MCPH1: variants seen among roughly 807,000 people sequenced by gnomAD.
MCPH1 encodes the protein microcephalin.
Under a neutral mutation model 84.5 loss-of-function variants are expected in MCPH1, and 104 were observed. That is an observed-to-expected ratio of 1.23 (90% CI 1.05 to 1.45). MCPH1 has a LOEUF of 1.45. MCPH1 is among the 40% of genes most tolerant of loss of function. MCPH1 has a pLI of 0.00. For missense variants in MCPH1, 1,498 were observed against 1,005.7 expected, an observed-to-expected ratio of 1.49 and a Z score of -6.62; for synonymous variants, 514 against 366.8, an observed-to-expected ratio of 1.40 and a Z score of -4.58.
At chr8:6,428,334 A>G (rs1801359604) in intron 3 of MCPH1, among the ~76,000 whole-genome samples, 1 of 152,206 alleles carries the variant, frequency 6.6e-6, no homozygotes, top group South Asian at 2.1e-4. Flanking sequence ...GTATGTCGCT[A>G]GGCGATAGGA....
At chr8:6,467,656 C>T (rs567631587) in intron 9 of MCPH1, among the ~76,000 whole-genome samples, 40 of 152,138 alleles carry the variant, frequency 2.6e-4, no homozygotes, top group African/African-American at 9.2e-4. Context: ...AGTGCCGTGG[C>T]GAGATCATAG....
At chr8:6,617,797 C>G (rs1830969276) in intron 12 of MCPH1, among the ~76,000 whole-genome samples, 1 of 152,154 alleles carries the variant, frequency 6.6e-6, no homozygotes, top group South Asian at 2.1e-4. Context: ...CCACCTCAGC[C>G]TCCCAAGTAG....
At chr8:6,471,872 G>A (rs575197359) in intron 9 of MCPH1, among the ~76,000 whole-genome samples, 1 of 152,352 alleles carries the variant, frequency 6.6e-6, no homozygotes, top group African/African-American at 2.4e-5. Flanking sequence ...ATGCTGATCA[G>A]GGAAGTGTCA....
At chr8:6,599,112 C>G (rs1316750130) in intron 12 of MCPH1, among the ~76,000 whole-genome samples, 3 of 152,162 alleles carry the variant, frequency 2.0e-5, no homozygotes, top group Non-Finnish European at 2.9e-5. Context: ...GGAATGTTCC[C>G]TCCAACTCAG....
chr8:6,498,500 T>C (rs1474635017), intron 11 of MCPH1, among the ~76,000 whole-genome samples: 1 of 152,234 alleles, frequency 6.6e-6, no homozygotes, highest in East Asian at 1.9e-4. Flanking sequence ...TACTTTAGCT[T>C]CTTATGGTTT....
chr8:6,453,162 A>G (rs985122473), intron 8 of MCPH1, among the ~76,000 whole-genome samples: 1 of 152,190 alleles, frequency 6.6e-6, no homozygotes, highest in Non-Finnish European at 1.5e-5. Context: ...AGAGGAGGGT[A>G]GGTGTTTGTT....
chr8:6,627,463 A>G (rs1190421222), intron 13 of MCPH1, among the ~76,000 whole-genome samples: 4 of 152,240 alleles, frequency 2.6e-5, no homozygotes, highest in Non-Finnish European at 4.4e-5. Flanking sequence ...CAAAGACACA[A>G]TTCAGACAAT....
At chr8:6,419,117 T>TTA (rs1325210836) in intron 3 of MCPH1, among the ~76,000 whole-genome samples, 32 of 144,042 alleles carry the variant, frequency 2.2e-4, no homozygotes, top group African/African-American at 7.3e-4. Flanking sequence ...CCTTTTATAT[T>TTA]TATATACACA....
Position 6,440,555 on chromosome 8 carries a change from A to G in MCPH1, c.580+1459A>G, listed in dbSNP as rs545850421. 7.2e-5 allele frequency among the ~76,000 whole-genome samples: 11 copies of G among 152,292 alleles called. No homozygotes were observed. In the South Asian group the frequency reaches 2.3e-3, roughly 32 times the overall value. Reference sequence around the variant, plus strand: ...ATAGATATAGTCAAATTATCCTTCAAAAAATTTGAGTCATCTTATTGTCAC... The same window carrying G: ...ATAGATATAGTCAAATTATCCTTCAGAAAATTTGAGTCATCTTATTGTCAC... On this transcript the variant is annotated intron_variant, in intron 6 of 13. Coordinates refer to ENST00000344683, the MANE Select transcript of MCPH1 (RefSeq NM_024596.5).
chr8:6,472,650 T>C (rs529616146), intron 9 of MCPH1, among the ~76,000 whole-genome samples: 3 of 152,148 alleles, frequency 2.0e-5, no homozygotes, highest in South Asian at 2.1e-4. Context: ...TATTTTTTAG[T>C]AGAGATGGGG....
intron 12 of MCPH1, among the ~76,000 whole-genome samples, chr8:6,571,841 T>G (rs760152924): frequency 1.4e-4 from 21 of 152,196 alleles, no homozygotes; most frequent in Non-Finnish European, 2.5e-4. Flanking sequence ...TGAAGAATTA[T>G]AATAAATAGT....
chr8:6,611,717 C>G (rs1280916860), intron 12 of MCPH1, among the ~76,000 whole-genome samples: 2 of 152,180 alleles, frequency 1.3e-5, no homozygotes, highest in African/African-American at 2.4e-5. Context: ...CTCCCGGGTT[C>G]TCGCCATTCT....
In MCPH1 at chr8:6,621,460, C is replaced by G. The variant is rs374596700; in HGVS notation, c.2221C>G (p.Arg741Gly). The G allele has an allele frequency of 1.3e-5, 21 of 1,613,954 alleles. No individual in the cohort carries two copies. The highest frequency in any genetic ancestry group is 1.8e-5 in the Non-Finnish European group (21 of 1,179,982). ...ATCTCTGTCTGCCCCACAGCTGTGC[C>G]GAAGCGAGTGCCACTTGTCTGCAGG... The part of the protein sequence containing the change: ...SHHFPAAPLC[R>G]SECHLSAGPY... The change falls in exon 13 of 14, where the codon CGA becomes GGA. Residue 741 changes from arginine (R) to glycine (G), a missense_variant. Physicochemically the swap from Arg to Gly is moderately radical, Grantham distance 125 (BLOSUM62 -2). Transcript: ENST00000344683.
intron 9 of MCPH1, among the ~76,000 whole-genome samples, chr8:6,477,106 A>C (rs1563261994): frequency 6.6e-6 from 1 of 152,226 alleles, no homozygotes; most frequent in Non-Finnish European, 1.5e-5. Flanking sequence ...AATAGAACAA[A>C]TAAGTTCCCT....
chr8:6,600,296 G>C (rs112638266), intron 12 of MCPH1, among the ~76,000 whole-genome samples: 111 of 152,360 alleles, frequency 7.3e-4, no homozygotes, highest in African/African-American at 2.5e-3. Flanking sequence ...AAGGGAGAGA[G>C]GGTCCCCAGC....
chr8:6,457,913 C>T (rs1264543212), intron 9 of MCPH1, among the ~76,000 whole-genome samples: 5 of 152,240 alleles, frequency 3.3e-5, no homozygotes, highest in Middle Eastern at 3.4e-3. Context: ...GCATTGGACT[C>T]ACCTGGGGAT....
intron 11 of MCPH1, among the ~76,000 whole-genome samples, chr8:6,487,607 G>T (rs2442485): frequency 6.6e-6 from 1 of 152,130 alleles, no homozygotes; most frequent in East Asian, 1.9e-4. Context: ...AATCTTCAGG[G>T]ACATTGTACT....
intron 13 of MCPH1, among the ~76,000 whole-genome samples, chr8:6,640,167 A>G (rs1023424143): frequency 6.6e-6 from 1 of 151,434 alleles, no homozygotes; most frequent in Non-Finnish European, 1.5e-5. Flanking sequence ...TTCAATTTTA[A>G]GAGATTTTCT....
rs373694284 is a variant in MCPH1, at chr8:6,439,127, T to C, written c.580+31T>C. 2.9e-5 allele frequency: 46 copies of C among 1,602,596 alleles called. No homozygotes were observed. The African/African-American group carries it at 5.7e-4, about 20-fold the overall frequency. On this transcript the variant is annotated intron_variant, in intron 6 of 13. Coordinates refer to ENST00000344683, the MANE Select transcript of MCPH1 (RefSeq NM_024596.5). ...TAATTAGTTTGTAAAATGAAAATTA[T>C]GCAAATAGCCGATTCAATTATGGTG...
Sources: gnomAD v4.1 joint callset for allele counts (sites outside exome capture counted in the v4.1 genomes callset) on GRCh38, gnomAD v4.1.1 for gene constraint, MANE v1.5 for transcripts, NCBI Gene and HGNC (gene_info 2026-07-23, HGNC 2026-07-21) for gene names.